Variants in ARHGEF18 observed in about 807,000 individuals in gnomAD.
ARHGEF18 encodes rho guanine nucleotide exchange factor 18.
ARHGEF18 carries 93 observed loss-of-function variants against 155.7 expected under a neutral mutation model. That is an observed-to-expected ratio of 0.60 (90% CI 0.50 to 0.71). ARHGEF18 has a LOEUF of 0.71. Among genes scored for constraint, ARHGEF18 ranks in the 30% least tolerant of loss-of-function variants. The probability of loss-of-function intolerance (pLI) is 0.00; values close to 1 mark genes in which losing one functional copy is unlikely to be tolerated. For synonymous variants in ARHGEF18, 742 were observed against 753.1 expected, an observed-to-expected ratio of 0.99 and a Z score of 0.24; for missense variants, 1,593 against 1,816.1, an observed-to-expected ratio of 0.88 and a Z score of 2.23.
At position 7,373,025 on chromosome 19, in the gene ARHGEF18, C is replaced by A. The variant is rs527860753; in HGVS notation, c.229C>A (p.Arg77=). 3.2e-6 allele frequency: 4 copies of A among 1,234,408 alleles called. No individual in the cohort carries two copies. Among genetic ancestry groups the A allele is most frequent in the South Asian group, 8.2e-5 (2 of 24,406 alleles). The allele number at this position is 1,234,408 out of a possible 1,614,324, so 76.5% of individuals were successfully genotyped here. Residue 77 remains arginine (R), a synonymous_variant, in exon 3 of 29, where the codon CGG becomes AGG. Coordinates refer to ENST00000668164, the MANE Select transcript of ARHGEF18 (RefSeq NM_001367823.1). Reference sequence around the variant, plus strand: ...GGCAGGGTCCCAAGACCTGTCAAGGCGGCGCAGCTGGGAAAGGTCGCGGAG... The same window carrying A: ...GGCAGGGTCCCAAGACCTGTCAAGGAGGCGCAGCTGGGAAAGGTCGCGGAG... ...SLAGSQDLSR[R]RSWERSRSCS... is the part of the protein sequence containing the mutation.
rs1371813405 is a variant in ARHGEF18 at position 7,382,903 on chromosome 19, A to T, written c.825+9A>T. On this transcript the variant is annotated intron_variant, in intron 9 of 28. Coordinates refer to ENST00000668164, the MANE Select transcript of ARHGEF18 (RefSeq NM_001367823.1). ...CCAGGCAGAAGGAGAAGGTAAGGGG[A>T]GCTAAGCCACGGGGGCCCTCCTCTG... is the stretch of plus-strand genomic sequence containing the variant. The T allele has an allele frequency of 8.1e-7, 1 of 1,232,314 alleles. No homozygotes were observed. Among genetic ancestry groups the T allele is most frequent in the African/African-American group, 1.6e-5 (1 of 64,414 alleles). 76.3% of individuals were successfully genotyped at this position (1,232,314 alleles called of 1,614,324 possible).
chr19:7,443,365 C>T (rs1974790939), intron 13 of ARHGEF18, among the ~76,000 whole-genome samples: 2 of 152,118 alleles, frequency 1.3e-5, no homozygotes, highest in Middle Eastern at 6.8e-3. Context: ...ATGCCCGGCT[C>T]ATTTTTTTAT....
rs1265704975 is a variant in ARHGEF18 at position 7,441,830 on chromosome 19, G to T, written c.1219+65G>T. 5.0e-6 allele frequency: 8 copies of T among 1,612,136 alleles called. No homozygotes were observed. In the Admixed American group the frequency reaches 1.0e-4, roughly 20 times the overall value. On this transcript the variant is annotated intron_variant, in intron 12 of 28. Coordinates refer to ENST00000668164, the MANE Select transcript of ARHGEF18 (RefSeq NM_001367823.1). ...CCTGTCTCTCCTGGGAAGAGCTGGG[G>T]CTCGTGTCAGCATGTCTACGGGAGG...
At chr19:7,432,414 A>G (rs1974017823) in intron 10 of ARHGEF18, among the ~76,000 whole-genome samples, 1 of 152,200 alleles carries the variant, frequency 6.6e-6, no homozygotes, top group African/African-American at 2.4e-5. Flanking sequence ...AAAAGGAGTC[A>G]TTATTTCTGA....
At chr19:7,367,892 TA>T (rs1969997008) in intron 2 of ARHGEF18, among the ~76,000 whole-genome samples, 1 of 70,896 alleles carries the variant, frequency 1.4e-5, no homozygotes, top group African/African-American at 1.0e-4. Flanking sequence ...ATTTTATATA[TA>T]TTTTTTATAT....
chr19:7,416,167 G>A (rs1972993029), intron 10 of ARHGEF18, among the ~76,000 whole-genome samples: 1 of 152,168 alleles, frequency 6.6e-6, no homozygotes, highest in Non-Finnish European at 1.5e-5. Context: ...GGAGGCCTAG[G>A]CAGGAGGATT....
At position 7,464,000 on chromosome 19, in the gene ARHGEF18, C is replaced by A. The variant is rs765568882; in HGVS notation, c.2773+45C>A. ...CCCTCCTGCCTCCAGGGCCGCCCCT[C>A]AGGATGCACATTAACTTGTATGGGG... On this transcript the variant is annotated intron_variant, in intron 22 of 28. Coordinates refer to ENST00000668164, the MANE Select transcript of ARHGEF18 (RefSeq NM_001367823.1). The surrounding 1 kb of genome is among the most constrained non-coding windows in gnomAD (Gnocchi z 5.2). The A allele has an allele frequency of 3.9e-6, 6 of 1,526,804 alleles. No homozygotes were observed. Among genetic ancestry groups the A allele is most frequent in the East Asian group, 4.8e-5 (2 of 41,816 alleles). 94.6% of individuals were successfully genotyped at this position (1,526,804 alleles called of 1,614,324 possible). A position where few individuals can be genotyped will look rare whatever the true frequency, so the allele number is the denominator to read the frequency against.
chr19:7,387,837 T>G (rs545307973), intron 10 of ARHGEF18, among the ~76,000 whole-genome samples: 5 of 151,552 alleles, frequency 3.3e-5, no homozygotes, highest in African/African-American at 1.2e-4. Context: ...GCCTGGCTAA[T>G]TTTTTTTAGT....
At chr19:7,371,954 C>T (rs960758840) in intron 2 of ARHGEF18, among the ~76,000 whole-genome samples, 2 of 152,208 alleles carry the variant, frequency 1.3e-5, no homozygotes, top group African/African-American at 4.8e-5. Flanking sequence ...TGCGTAGCTC[C>T]TCCTTCCTCA....
intron 1 of ARHGEF18, among the ~76,000 whole-genome samples, chr19:7,349,995 T>G (rs2145303482): frequency 6.6e-6 from 1 of 152,286 alleles, no homozygotes; most frequent in Non-Finnish European, 1.5e-5. Flanking sequence ...TGTCCTGATC[T>G]GAAATCATCC....
Position 7,444,318 on chromosome 19 carries a change from T to G in ARHGEF18, c.1475T>G (p.Phe492Cys). The change falls in exon 14 of 29, where the codon TTC (phenylalanine) becomes TGC (cysteine). Residue 492 changes from phenylalanine (F) to cysteine (C), a missense_variant. By Grantham distance (205) the Phe-to-Cys change is radical (BLOSUM62 -2). Transcript: ENST00000668164. This position sits in a 1 kb window ranked among gnomAD's most constrained non-coding sequence, Gnocchi z 4.7. ...QFSSKAIGRL[F>C]PCADDLLETH... ...AGCAGCAAGGCCATTGGCCGCCTCT[T>G]CCCATGCGCTGACGACCTGCTGGAG... 1 of 1,613,614 alleles carries G rather than the reference T, an allele frequency of 6.2e-7. No individual in the cohort carries two copies. Among genetic ancestry groups the G allele is most frequent in the South Asian group, 1.1e-5 (1 of 91,084 alleles).
downstream of ARHGEF18, chr19:7,473,221 A>T (rs1343427564): frequency 2.2e-6 from 1 of 456,204 alleles, no homozygotes; most frequent in Non-Finnish European, 4.4e-6. Flanking sequence ...GTTTCAACAG[A>T]GGGTTTCCCA....
In ARHGEF18 at chr19:7,441,641, G is replaced by A; in HGVS notation, c.1107-12G>A. 6.2e-7 allele frequency: 1 copy of A among 1,609,686 alleles called. No homozygotes were observed. The highest frequency in any genetic ancestry group is 8.5e-7 in the Non-Finnish European group (1 of 1,176,226). On this transcript the variant is annotated splice_polypyrimidine_tract_variant and intron_variant, in intron 11 of 28. Coordinates refer to ENST00000668164, the MANE Select transcript of ARHGEF18 (RefSeq NM_001367823.1). ...CTTTTCTAAAACAATTGTTTTTATT[G>A]TTTGCACTCAGACCAATCACAGGAG...
intron 19 of ARHGEF18, among the ~76,000 whole-genome samples, chr19:7,459,024 A>G (rs1976028987): frequency 6.6e-6 from 1 of 152,062 alleles, no homozygotes; most frequent in South Asian, 2.1e-4. Flanking sequence ...GCCCAGAACC[A>G]GCTGGCTTCC....
intron 22 of ARHGEF18, among the ~76,000 whole-genome samples, 169 bp from the exon 23 acceptor site, chr19:7,464,391 G>A (rs1976485329): frequency 6.6e-6 from 1 of 152,136 alleles, no homozygotes; most frequent in Non-Finnish European, 1.5e-5. Context: ...TGTTGTGACA[G>A]CAGCACCCAG....
At position 7,365,875 on chromosome 19, in the gene ARHGEF18, G is replaced by A. The variant is rs973834612; in HGVS notation, c.15+2970G>A. Among the ~76,000 whole-genome samples the A allele has an allele frequency of 3.3e-5, 5 of 152,194 alleles. No individual in the cohort carries two copies. The South Asian group carries it at 6.2e-4, about 19-fold the overall frequency. On this transcript the variant is annotated intron_variant, in intron 2 of 28. Transcript: ENST00000668164. ...CATGGCTCCCCCAGGTAATCTGCAC[G>A]GGTGTCCTGGCTGGGCCACCTGCCT... is the stretch of plus-strand genomic sequence containing the variant.
intron 2 of ARHGEF18, among the ~76,000 whole-genome samples, chr19:7,365,447 G>C (rs1969843562): frequency 6.6e-6 from 1 of 152,130 alleles, no homozygotes; most frequent in Admixed American, 6.6e-5. Flanking sequence ...AAGCAGTGAA[G>C]GAATTAGTCC....
intron 23 of ARHGEF18, among the ~76,000 whole-genome samples, chr19:7,466,181 C>T (rs539985687): frequency 4.9e-4 from 72 of 148,446 alleles, no homozygotes; most frequent in African/African-American, 1.8e-3. Context: ...GTCAGGAATT[C>T]GAGACCAGCC....
intron 1 of ARHGEF18, among the ~76,000 whole-genome samples, chr19:7,362,505 G>C (rs1388769559): frequency 6.6e-6 from 1 of 152,168 alleles, no homozygotes; most frequent in African/African-American, 2.4e-5. Flanking sequence ...TGTTGGAACT[G>C]GTGTGTTGGG....
Sources: allele counts gnomAD v4.1 joint callset (sites outside exome capture counted in the v4.1 genomes callset), GRCh38; gene constraint gnomAD v4.1.1; non-coding constraint Gnocchi (gnomAD v3.1); transcripts MANE v1.5; gene names NCBI Gene and HGNC (gene_info 2026-07-23, HGNC 2026-07-21).